The following HPCAL1 variants were observed in gnomAD, a reference collection of about 807,000 sequenced individuals.
HPCAL1 encodes the protein hippocalcin like 1, also known as hippocalcin-like protein 1.
HPCAL1 carries 8 observed loss-of-function variants against 17.1 expected under a neutral mutation model. That is an observed-to-expected ratio of 0.47 (90% CI 0.27 to 0.84). The LOEUF is 0.84. Among genes scored for constraint, HPCAL1 ranks in the 40% least tolerant of loss-of-function variants. The pLI, the probability that HPCAL1 is intolerant of heterozygous loss-of-function variation, is 0.13. For synonymous variants in HPCAL1, 112 were observed against 111.4 expected (o/e 1.01, Z -0.03); for missense variants, 165 against 271.1 (o/e 0.61, Z 2.75).
chr2:10,355,450 CAAAAAAAAAAAAAAAAA>C lies in HPCAL1; in HGVS notation c.-110-41369_-110-41353del, dbSNP rs34600690. Among the ~76,000 whole-genome samples the C allele has an allele frequency of 7.1e-4, 23 of 32,186 alleles. No homozygotes were observed. In the Admixed American group the frequency reaches 9.3e-3, roughly 13 times the overall value. 21.1% of individuals were successfully genotyped at this position (32,186 alleles called of 152,430 possible). A position where few individuals can be genotyped will look rare whatever the true frequency, so the allele number is the denominator to read the frequency against. On this transcript the variant is annotated intron_variant, in intron 1 of 4. Transcript: ENST00000307845. Reference sequence around the variant, plus strand: ...TGGGCGACAGAGCGAGACTCCGTCTCAAAAAAAAAAAAAAAAAAAAAAAAAAAAAAAAGAGTTTAACG... The same window carrying C: ...TGGGCGACAGAGCGAGACTCCGTCTCAAAAAAAAAAAAAAAGAGTTTAACG...
At chr2:10,337,273 G>T (rs562163243) in intron 1 of HPCAL1, among the ~76,000 whole-genome samples, 54 of 152,158 alleles carry the variant, frequency 3.5e-4, no homozygotes, top group Non-Finnish European at 5.7e-4. Context: ...CCCTCCTTTC[G>T]TGTCTTCGTG....
Position 10,346,257 on chromosome 2 carries a change from G to A in HPCAL1, c.-111+43080G>A, listed in dbSNP as rs977247859. 3.3e-5 allele frequency among the ~76,000 whole-genome samples: 5 copies of A among 152,254 alleles called. No individual in the cohort carries two copies. In the Middle Eastern group the frequency reaches 0.01, roughly 311 times the overall value. On this transcript the variant is annotated intron_variant, in intron 1 of 4. Coordinates refer to ENST00000307845, the MANE Select transcript of HPCAL1 (RefSeq NM_002149.4). ...GCAGCAGTGACTGCTGATGTTGTGG[G>A]GGCCATGGGGAGCCTCCTGGTATTC...
chr2:10,383,767 G>A (rs996129121), intron 1 of HPCAL1, among the ~76,000 whole-genome samples: 1 of 152,098 alleles, frequency 6.6e-6, no homozygotes, highest in African/African-American at 2.4e-5. Flanking sequence ...CCTCAGCACT[G>A]TTGCCATTTG....
intron 1 of HPCAL1, among the ~76,000 whole-genome samples, chr2:10,364,470 G>A (rs915393260): frequency 9.2e-5 from 14 of 152,348 alleles, no homozygotes; most frequent in African/African-American, 3.4e-4. Flanking sequence ...GGCTGTGTGG[G>A]GCACGAGGAG....
intron 2 of HPCAL1, among the ~76,000 whole-genome samples, chr2:10,411,147 G>A (rs1050258628): frequency 5.3e-5 from 8 of 152,168 alleles, no homozygotes; most frequent in African/African-American, 1.9e-4. Context: ...TTCCAGTGGG[G>A]AGGCCATCTT....
intron 1 of HPCAL1, among the ~76,000 whole-genome samples, chr2:10,385,267 C>T (rs1242519112): frequency 1.3e-5 from 2 of 152,286 alleles, no homozygotes; most frequent in East Asian, 1.9e-4. Context: ...TGCCCAGTGG[C>T]GTGAGGCTGG....
intron 4 of HPCAL1, chr2:10,426,072 T>C (rs3755257): frequency 0.24 from 36,616 of 152,012 alleles, 4,768 homozygotes; most frequent in Non-Finnish European, 0.3. Flanking sequence ...TACGGAGCCC[T>C]GCCCTAGGCC....
At chr2:10,352,260 C>CGT (rs1480576488) in intron 1 of HPCAL1, among the ~76,000 whole-genome samples, 8 of 152,126 alleles carry the variant, frequency 5.3e-5, no homozygotes, top group African/African-American at 1.9e-4. Flanking sequence ...ACCTCCCACT[C>CGT]ACCTTCCCTC....
At chr2:10,335,469 CA>C (rs1430057277) in intron 1 of HPCAL1, among the ~76,000 whole-genome samples, 2 of 152,228 alleles carry the variant, frequency 1.3e-5, no homozygotes, top group African/African-American at 4.8e-5. Context: ...GCCCTGAAAA[CA>C]GCAAAGGGGA....
chr2:10,392,367 T>C (rs1195575824), intron 1 of HPCAL1, among the ~76,000 whole-genome samples: 1 of 152,232 alleles, frequency 6.6e-6, no homozygotes, highest in Non-Finnish European at 1.5e-5. Context: ...TAAATATTTG[T>C]AGAATTCAGT....
At chr2:10,406,141 A>G (rs1669956750) in intron 2 of HPCAL1, 1 of 152,176 alleles carries the variant, frequency 6.6e-6, no homozygotes, top group Admixed American at 6.5e-5. Flanking sequence ...TCCTTCCAGC[A>G]TTACTGAAAC....
Position 10,344,226 on chromosome 2 carries a change from T to C in HPCAL1, c.-111+41049T>C, listed in dbSNP as rs913378565. ...AGGACCCTGGGGACGTGGTCTTTGA[T>C]GCTTGCTTTCCCCATAGGCATCACT... is the stretch of plus-strand genomic sequence containing the variant. On this transcript the variant is annotated intron_variant, in intron 1 of 4. Transcript: ENST00000307845. The surrounding 1 kb of genome is among the most constrained non-coding windows in gnomAD (Gnocchi z 4.9). Among the ~76,000 whole-genome samples, 4 of 152,200 alleles carry C rather than the reference T, an allele frequency of 2.6e-5. No individual in the cohort carries two copies. Among genetic ancestry groups the C allele is most frequent in the Non-Finnish European group, 5.9e-5 (4 of 68,030 alleles).
At chr2:10,399,025 C>T (rs1273653415) in intron 2 of HPCAL1, among the ~76,000 whole-genome samples, 1 of 151,936 alleles carries the variant, frequency 6.6e-6, no homozygotes, top group African/African-American at 2.4e-5. Flanking sequence ...CCCGAGGCCA[C>T]TGTCAGCACG....
At chr2:10,339,639 G>A (rs574199626) in intron 1 of HPCAL1, among the ~76,000 whole-genome samples, 10 of 152,150 alleles carry the variant, frequency 6.6e-5, no homozygotes, top group South Asian at 2.1e-4. Context: ...GTGAGCCACC[G>A]CGCCCAGCCA....
rs1379108931 is a variant in HPCAL1, at chr2:10,323,670, G to T, written c.-111+20493G>T. Among the ~76,000 whole-genome samples, 1 of 152,192 alleles carries T rather than the reference G, an allele frequency of 6.6e-6. No homozygotes were observed. The highest frequency in any genetic ancestry group is 1.9e-4 in the East Asian group (1 of 5,206). On this transcript the variant is annotated intron_variant, in intron 1 of 4. Transcript: ENST00000307845. The surrounding 1 kb of genome is among the most constrained non-coding windows in gnomAD (Gnocchi z 4.6). ...AAAATAATAAAAGCTCAAATGACCA[G>T]CACTGTCCTACTGCTTTATACGCAT...
chr2:10,337,951 A>G (rs1664821776), intron 1 of HPCAL1, among the ~76,000 whole-genome samples: 1 of 152,104 alleles, frequency 6.6e-6, no homozygotes, highest in Non-Finnish European at 1.5e-5. Flanking sequence ...ACTGACTATC[A>G]CTGGACTTGG....
chr2:10,386,604 G>A (rs1668326165), intron 1 of HPCAL1, among the ~76,000 whole-genome samples: 1 of 152,140 alleles, frequency 6.6e-6, no homozygotes. Flanking sequence ...TCTTTAATCT[G>A]CCCACTGGGT....
chr2:10,398,766 T>A (rs561976974), intron 2 of HPCAL1, among the ~76,000 whole-genome samples: 46 of 152,262 alleles, frequency 3.0e-4, no homozygotes, highest in Admixed American at 2.5e-3. Flanking sequence ...CTCCTTCCGC[T>A]TTCTCCTTGC....
intron 2 of HPCAL1, among the ~76,000 whole-genome samples, chr2:10,415,536 C>T (rs995210962): frequency 1.3e-5 from 2 of 152,220 alleles, no homozygotes; most frequent in Non-Finnish European, 2.9e-5. Context: ...CCGTGCTCCC[C>T]GTGTGGTGTC....
Sources: allele counts gnomAD v4.1 joint callset (sites outside exome capture counted in the v4.1 genomes callset), GRCh38; gene constraint gnomAD v4.1.1; non-coding constraint Gnocchi (gnomAD v3.1); transcripts MANE v1.5; gene names NCBI Gene and HGNC (gene_info 2026-07-23, HGNC 2026-07-21).